The following KCNAB1 variants were observed in gnomAD, a reference collection of about 807,000 sequenced individuals.
KCNAB1 encodes potassium voltage-gated channel subfamily A regulatory beta subunit 1.
In KCNAB1, 35 loss-of-function variants were observed where a neutral mutation model predicts 64.6. The ratio of observed to expected loss-of-function variants is 0.54; its 90% CI spans 0.41 to 0.72. KCNAB1 has a LOEUF of 0.72. KCNAB1 is among the 30% of genes least tolerant of loss of function. The pLI is 0.00. For synonymous variants in KCNAB1, 177 were observed against 183.8 expected, an observed-to-expected ratio of 0.96 and a Z score of 0.30; for missense variants, 401 against 512.9, an observed-to-expected ratio of 0.78 and a Z score of 2.11.
At chr3:156,351,301 A>G (rs1393646552) in intron 1 of KCNAB1, among the ~76,000 whole-genome samples, 1 of 152,254 alleles carries the variant, frequency 6.6e-6, no homozygotes, top group Non-Finnish European at 1.5e-5. Context: ...CTCTGTGATA[A>G]CAAAGGGAAG....
chr3:156,318,158 C>G (rs1722401695), intron 1 of KCNAB1, among the ~76,000 whole-genome samples: 1 of 152,162 alleles, frequency 6.6e-6, no homozygotes, highest in African/African-American at 2.4e-5. Context: ...AGAGTTCAGT[C>G]AAGTGAGAGA....
intron 13 of KCNAB1, among the ~76,000 whole-genome samples, chr3:156,533,164 A>G (rs6797292): frequency 0.83 from 126,322 of 152,232 alleles, 52,512 homozygotes; most frequent in East Asian, 0.98. Flanking sequence ...ATTTCAGGTT[A>G]TGAAAAGGGC....
chr3:156,227,259 C>T (rs981417597), intron 1 of KCNAB1, among the ~76,000 whole-genome samples: 1 of 152,126 alleles, frequency 6.6e-6, no homozygotes, highest in Non-Finnish European at 1.5e-5. Flanking sequence ...ACGTGAACTC[C>T]TTTTGATAGT....
intron 1 of KCNAB1, among the ~76,000 whole-genome samples, chr3:156,268,400 G>C (rs1043381673): frequency 7.9e-5 from 12 of 152,158 alleles, no homozygotes; most frequent in African/African-American, 2.9e-4. Flanking sequence ...CAGTGGAATT[G>C]CTGGATCATA....
intron 1 of KCNAB1, among the ~76,000 whole-genome samples, chr3:156,357,107 T>C (rs1165672392): frequency 6.6e-6 from 1 of 151,720 alleles, no homozygotes; most frequent in Non-Finnish European, 1.5e-5. Context: ...CATGTACTCA[T>C]ACCACACATT....
At chr3:156,387,495 T>G (rs553643786) in intron 1 of KCNAB1, among the ~76,000 whole-genome samples, 40 of 152,318 alleles carry the variant, frequency 2.6e-4, no homozygotes, top group African/African-American at 9.4e-4. Flanking sequence ...TTTAAAACAT[T>G]TTTGTTGGCT....
At chr3:156,333,143 G>C (rs887387614) in intron 1 of KCNAB1, among the ~76,000 whole-genome samples, 6 of 152,016 alleles carry the variant, frequency 3.9e-5, no homozygotes, top group Non-Finnish European at 8.8e-5. Flanking sequence ...TTTTACTTTG[G>C]AAGATGGAGT....
chr3:156,127,129 C>T (rs1475627594), intron 1 of KCNAB1, among the ~76,000 whole-genome samples: 4 of 152,198 alleles, frequency 2.6e-5, no homozygotes, highest in African/African-American at 9.7e-5. Context: ...TCACCTCTGC[C>T]ACTTTCCTCT....
intron 11 of KCNAB1, among the ~76,000 whole-genome samples, chr3:156,519,948 C>T (rs1717829227): frequency 6.6e-6 from 1 of 152,136 alleles, no homozygotes; most frequent in African/African-American, 2.4e-5. Context: ...AGGTTGTGCA[C>T]CATCTTGTCA....
At chr3:156,521,234 G>C (rs992999940) in intron 11 of KCNAB1, among the ~76,000 whole-genome samples, 1 of 152,122 alleles carries the variant, frequency 6.6e-6, no homozygotes, top group Non-Finnish European at 1.5e-5. Context: ...GAGTAGCTCC[G>C]GGACTTGTAA....
chr3:156,251,343 T>C (rs1322001940), intron 1 of KCNAB1, among the ~76,000 whole-genome samples: 2 of 152,212 alleles, frequency 1.3e-5, no homozygotes, highest in African/African-American at 4.8e-5. Flanking sequence ...ATTACCAATA[T>C]GTAAGATTAT....
At chr3:156,297,259 CT>C (rs71141704) in intron 1 of KCNAB1, among the ~76,000 whole-genome samples, 9,668 of 95,504 alleles carry the variant, frequency 0.1, 227 homozygotes, top group Middle Eastern at 0.16. Flanking sequence ...TTGAGGTTGG[CT>C]TTTTTTTTTT....
At chr3:156,316,978 T>C (rs1576716634) in intron 1 of KCNAB1, among the ~76,000 whole-genome samples, 1 of 152,206 alleles carries the variant, frequency 6.6e-6, no homozygotes, top group East Asian at 1.9e-4. Context: ...GACGATTATA[T>C]GAGATAAGAT....
intron 1 of KCNAB1, among the ~76,000 whole-genome samples, chr3:156,396,633 C>A (rs1713484922): frequency 6.6e-6 from 1 of 152,208 alleles, no homozygotes; most frequent in African/African-American, 2.4e-5. Context: ...ATCTTTCTGA[C>A]AAATACACTG....
chr3:156,125,567 A>G (rs960567951), intron 1 of KCNAB1, among the ~76,000 whole-genome samples: 2 of 152,228 alleles, frequency 1.3e-5, no homozygotes, highest in African/African-American at 4.8e-5. Context: ...GCAAACTGAG[A>G]TGTGAGTGAA....
At chr3:156,497,134 A>T (rs1337209112) in intron 8 of KCNAB1, among the ~76,000 whole-genome samples, 4 of 152,230 alleles carry the variant, frequency 2.6e-5, no homozygotes, top group African/African-American at 9.6e-5. Flanking sequence ...TTTTAAACTT[A>T]CCTTTTGGTT....
intron 8 of KCNAB1, among the ~76,000 whole-genome samples, chr3:156,475,041 G>A (rs771115674): frequency 8.5e-5 from 13 of 152,256 alleles, no homozygotes; most frequent in African/African-American, 2.6e-4. Context: ...CATTGGGCTC[G>A]TGGCTCCCGC....
At chr3:156,342,066 G>A (rs1724153598) in intron 1 of KCNAB1, among the ~76,000 whole-genome samples, 1 of 152,196 alleles carries the variant, frequency 6.6e-6, no homozygotes, top group Non-Finnish European at 1.5e-5. Context: ...GTGAGCTTGT[G>A]CTACCTTCGG....
intron 1 of KCNAB1, among the ~76,000 whole-genome samples, chr3:156,248,187 A>G (rs910195098): frequency 6.6e-6 from 1 of 152,230 alleles, no homozygotes; most frequent in African/African-American, 2.4e-5. Flanking sequence ...ACTATATTCC[A>G]TATTTTGCAG....
Sources: allele counts gnomAD v4.1 joint callset (sites outside exome capture counted in the v4.1 genomes callset), GRCh38; gene constraint gnomAD v4.1.1; transcripts MANE v1.5; gene names NCBI Gene and HGNC (gene_info 2026-07-23, HGNC 2026-07-21).